FBXL18: variants seen among roughly 807,000 people sequenced by gnomAD.
The protein encoded by FBXL18 is F-box and leucine rich repeat protein 18, also known as F-box/LRR-repeat protein 18.
Under a neutral mutation model 46.0 loss-of-function variants are expected in FBXL18, and 36 were observed. The observed-to-expected ratio is 0.78, with a 90% CI of 0.60 to 1.03. The LOEUF is 1.03. Ranked by LOEUF, FBXL18 falls within the 50% of genes least tolerant of loss-of-function variation. The probability of loss-of-function intolerance (pLI) is 0.00; values close to 1 mark genes in which losing one functional copy is unlikely to be tolerated. For missense variants in FBXL18, 977 were observed against 1,004.1 expected (o/e 0.97, Z 0.36); for synonymous variants, 557 against 465.3 (o/e 1.20, Z -2.54).
At chr7:5,512,178 G>T (rs1784554668) in intron 1 of FBXL18, among the ~76,000 whole-genome samples, 1 of 150,486 alleles carries the variant, frequency 6.6e-6, no homozygotes, top group Non-Finnish European at 1.5e-5. Context: ...CCGGGAGGCG[G>T]AGCTTGCAAT....
At position 5,501,782 on chromosome 7, in the gene FBXL18, T is replaced by C. The variant is rs770667547; in HGVS notation, c.487A>G (p.Ser163Gly). ...VSPGFDASQL[S>G]SECKATLSRV... ...CTCAGGGTGGCCTTGCACTCGCTGCTCAGCTGGCTGGCGTCGAAGCCGGGG... is the reference window on the plus strand; with the variant it reads ...CTCAGGGTGGCCTTGCACTCGCTGCCCAGCTGGCTGGCGTCGAAGCCGGGG... The change falls in exon 3 of 5, where the codon AGC (serine) becomes GGC (glycine). Residue 163 changes from serine (S) to glycine (G), a missense_variant. By Grantham distance (56) the Ser-to-Gly change is moderately conservative. Coordinates refer to ENST00000382368, the MANE Select transcript of FBXL18 (RefSeq NM_024963.6). The C allele has an allele frequency of 6.4e-7, 1 of 1,562,222 alleles. No individual in the cohort carries two copies. Among genetic ancestry groups the C allele is most frequent in the Non-Finnish European group, 8.7e-7 (1 of 1,153,134 alleles).
intron 4 of FBXL18, chr7:5,490,236 G>A (rs778517999): frequency 3.8e-5 from 50 of 1,318,544 alleles, no homozygotes; most frequent in Non-Finnish European, 5.0e-5. Context: ...AACACTCAGG[G>A]CGTTCATGTC....
Position 5,455,894 on chromosome 7 carries a change from C to T in FBXL18, c.2001-8051G>A, listed in dbSNP as rs1783166137. Among the ~76,000 whole-genome samples the T allele has an allele frequency of 6.6e-6, 1 of 152,114 alleles. No homozygotes were observed. The stretch of plus-strand genomic sequence containing the variant: ...GAGACCTGGCCATCTCTGCCCCATG[C>T]GGGACTCTCTCATGGGCCGTGCTGG... On this transcript the variant is annotated intron_variant and NMD_transcript_variant, in intron 4 of 6. Coordinates refer to the FBXL18 transcript ENST00000415009. This position sits in a 1 kb window ranked among gnomAD's most constrained non-coding sequence, Gnocchi z 4.6.
intron 1 of FBXL18, among the ~76,000 whole-genome samples, chr7:5,510,839 C>T (rs2128239351): frequency 6.6e-6 from 1 of 152,290 alleles, no homozygotes; most frequent in Middle Eastern, 3.4e-3. Flanking sequence ...CAACCAGGCA[C>T]CTCATTCCTG....
At chr7:5,498,576 T>G (rs1784146842) in intron 3 of FBXL18, among the ~76,000 whole-genome samples, 1 of 151,708 alleles carries the variant, frequency 6.6e-6, no homozygotes, top group Non-Finnish European at 1.5e-5. Context: ...ATTTTTCTTT[T>G]CTTTGCTTTT....
chr7:5,491,687 CCAGT>C (rs1405753215), intron 3 of FBXL18, among the ~76,000 whole-genome samples: 3 of 152,194 alleles, frequency 2.0e-5, no homozygotes, highest in East Asian at 1.9e-4. Context: ...AAGCAGCCAG[CCAGT>C]GTCTACAGAG....
In FBXL18 at chr7:5,462,950, CAAAA is replaced by C. The variant is rs138208570; in HGVS notation, c.2001-15111_2001-15108del. Among the ~76,000 whole-genome samples the C allele has an allele frequency of 3.5e-3, 78 of 22,376 alleles. 4 individuals carry two copies. Among genetic ancestry groups the C allele is most frequent in the African/African-American group, 9.6e-3 (72 of 7,514 alleles). 14.7% of individuals were successfully genotyped at this position (22,376 alleles called of 152,430 possible). ...TGGGCGACAGAGTGAGACTTGGTCT[CAAAA>C]AAAAAAAAAAAAAAAATATATATAT... On this transcript the variant is annotated intron_variant and NMD_transcript_variant, in intron 4 of 6. Coordinates refer to the FBXL18 transcript ENST00000415009.
chr7:5,492,656 T>C (rs7808615), intron 3 of FBXL18, among the ~76,000 whole-genome samples: 70,838 of 151,772 alleles, frequency 0.47, 16,831 homozygotes, highest in African/African-American at 0.51. Flanking sequence ...GCATCCTGCA[T>C]GATGGGGACT....
At chr7:5,511,114 G>GC (rs1324661376) in intron 1 of FBXL18, among the ~76,000 whole-genome samples, 2 of 152,146 alleles carry the variant, frequency 1.3e-5, no homozygotes, top group East Asian at 3.8e-4. Context: ...GCCTGGCCTA[G>GC]TTTTTTTCAA....
In FBXL18 at chr7:5,460,839, C is replaced by G. The variant is rs545641195; in HGVS notation, c.2001-12996G>C. 3.1e-3 allele frequency among the ~76,000 whole-genome samples: 467 copies of G among 152,356 alleles called. 3 individuals carry two copies. The highest frequency in any genetic ancestry group is 0.011 in the African/African-American group (447 of 41,596). ...CCTCGCTATCTGCACATTGCCGCCC[C>G]TCTGCAGCCCCGAAACATTTGTTCC... On this transcript the variant is annotated intron_variant and NMD_transcript_variant, in intron 4 of 6. Transcript: ENST00000415009.
At chr7:5,464,153 G>T (rs1444577748) in intron 4 of FBXL18, among the ~76,000 whole-genome samples, 3 of 152,062 alleles carry the variant, frequency 2.0e-5, no homozygotes, top group Non-Finnish European at 4.4e-5. Flanking sequence ...AGACCAGCCT[G>T]GCCAACATGG....
At chr7:5,505,164 A>G (rs1425225980) in intron 2 of FBXL18, among the ~76,000 whole-genome samples, 1 of 151,770 alleles carries the variant, frequency 6.6e-6, no homozygotes, top group African/African-American at 2.4e-5. Flanking sequence ...CCCCACTCCC[A>G]AGGCCCTAGG....
In FBXL18 at chr7:5,456,691, A is replaced by G. The variant is rs188697382; in HGVS notation, c.2001-8848T>C. 2.1e-3 allele frequency among the ~76,000 whole-genome samples: 315 copies of G among 150,856 alleles called. 2 individuals carry two copies. The highest frequency in any genetic ancestry group is 2.8e-3 in the Non-Finnish European group (192 of 67,878). ...GAGGCCAGCATGGCTAGGAGCAGAGAACAGAGAAGGGAGGTTGGGAGGTGA... is the reference window on the plus strand; with the variant it reads ...GAGGCCAGCATGGCTAGGAGCAGAGGACAGAGAAGGGAGGTTGGGAGGTGA... On this transcript the variant is annotated intron_variant and NMD_transcript_variant, in intron 4 of 6. Transcript: ENST00000415009.
At chr7:5,491,123 C>G (rs1783910096) in intron 4 of FBXL18, 108 bp downstream of exon 4, 2 of 1,051,470 alleles carry the variant, frequency 1.9e-6, no homozygotes, top group Non-Finnish European at 2.8e-6. Flanking sequence ...TGGTGCTCGT[C>G]AATTCCAAGA....
rs552002078 is a variant in FBXL18 at position 5,463,728 on chromosome 7, A to AT, written c.2001-15886dup. On this transcript the variant is annotated intron_variant and NMD_transcript_variant, in intron 4 of 6. Coordinates refer to the FBXL18 transcript ENST00000415009. The stretch of plus-strand genomic sequence containing the variant: ...TATTTATTTATTTATTTATTTATTT[A>AT]TTTTTTTTTTTTTTTTTTTTTTTTT... 2.9e-3 allele frequency among the ~76,000 whole-genome samples: 152 copies of AT among 52,990 alleles called. 2 individuals carry two copies. The highest frequency in any genetic ancestry group is 3.8e-3 in the Non-Finnish European group (115 of 30,036). The allele number at this position is 52,990 out of a possible 152,430, so 34.8% of individuals were successfully genotyped here. A position where few individuals can be genotyped will look rare whatever the true frequency, so the allele number is the denominator to read the frequency against.
intron 1 of FBXL18, among the ~76,000 whole-genome samples, chr7:5,512,194 G>A (rs1401899676): frequency 2.0e-5 from 3 of 147,966 alleles, no homozygotes; most frequent in Non-Finnish European, 3.0e-5. Flanking sequence ...GCAATGAGCC[G>A]AGATCACGCC....
At position 5,481,823 on chromosome 7, in the gene FBXL18, G is replaced by A. The variant is rs1428537278; in HGVS notation, c.2109C>T (p.Thr703=). The A allele has an allele frequency of 1.9e-6, 3 of 1,613,656 alleles. No homozygotes were observed. Among genetic ancestry groups the A allele is most frequent in the East Asian group, 4.5e-5 (2 of 44,902 alleles). The change falls in exon 5 of 5, where the codon ACC becomes ACT. Residue 703 remains threonine, a synonymous_variant. Transcript: ENST00000382368. ...DVPLVHLDEI[T]LFKSRVAEEP... is the part of the protein sequence containing the mutation. The stretch of plus-strand genomic sequence containing the variant: ...CCTCGGCCACTCTGCTCTTAAATAA[G>A]GTGATCTCATCCAGGTGCACCAGGG...
Position 5,481,555 on chromosome 7 carries a change from C to G in FBXL18, c.*220G>C. On this transcript the variant is annotated 3_prime_UTR_variant, in exon 5 of 5. Coordinates refer to ENST00000382368, the MANE Select transcript of FBXL18 (RefSeq NM_024963.6). ...CCCCACATCGACCGTCCCCCGAGCC[C>G]CCTCATGTCACCCAGAACGCATCCC... The G allele has an allele frequency of 1.9e-6, 1 of 528,152 alleles. No individual in the cohort carries two copies. The highest frequency in any genetic ancestry group is 2.1e-5 in the South Asian group (1 of 48,104). 32.7% of individuals were successfully genotyped at this position (528,152 alleles called of 1,614,324 possible).
At chr7:5,499,533 A>G (rs536957985) in intron 3 of FBXL18, among the ~76,000 whole-genome samples, 1 of 152,194 alleles carries the variant, frequency 6.6e-6, no homozygotes, top group South Asian at 2.1e-4. Flanking sequence ...GTTCAAGACC[A>G]GCCTGGCCAA....
Sources: allele counts gnomAD v4.1 joint callset (sites outside exome capture counted in the v4.1 genomes callset), GRCh38; gene constraint gnomAD v4.1.1; non-coding constraint Gnocchi (gnomAD v3.1); transcripts MANE v1.5; gene names NCBI Gene and HGNC (gene_info 2026-07-23, HGNC 2026-07-21).